The following PAX5 variants were observed in gnomAD, a reference collection of about 807,000 sequenced individuals.
PAX5 encodes paired box 5, also known as paired box protein Pax-5.
Under a neutral mutation model 43.7 loss-of-function variants are expected in PAX5, and 9 were observed. That is an observed-to-expected ratio of 0.21 (90% CI 0.12 to 0.36). The LOEUF (loss-of-function observed/expected upper bound fraction) is 0.36. Ranked by LOEUF, PAX5 falls within the 10% of genes least tolerant of loss-of-function variation. The probability of loss-of-function intolerance (pLI) is 1.00; values close to 1 mark genes in which losing one functional copy is unlikely to be tolerated. For synonymous variants in PAX5, 228 were observed against 214.3 expected, an observed-to-expected ratio of 1.06 and a Z score of -0.56; for missense variants, 383 against 532.7, an observed-to-expected ratio of 0.72 and a Z score of 2.77.
At chr9:36,945,854 G>A (rs1176834417) in intron 6 of PAX5, among the ~76,000 whole-genome samples, 3 of 152,164 alleles carry the variant, frequency 2.0e-5, no homozygotes, top group African/African-American at 4.8e-5. Context: ...TAAAGTCTCC[G>A]CCTCACAGGG....
Position 37,034,181 on chromosome 9 carries a change from G to C in PAX5, c.-150C>G. On this transcript the variant is annotated 5_prime_UTR_variant, in exon 1 of 10. Transcript: ENST00000358127. Reference sequence around the variant, plus strand: ...AATTCAAGCCTTCCGCTCCCCCGCCGAGCTGGGGTAGCTGATCACTGAGCT... The same window carrying C: ...AATTCAAGCCTTCCGCTCCCCCGCCCAGCTGGGGTAGCTGATCACTGAGCT... 1 of 577,552 alleles carries C rather than the reference G, an allele frequency of 1.7e-6. No individual in the cohort carries two copies. Among genetic ancestry groups the C allele is most frequent in the Non-Finnish European group, 2.9e-6 (1 of 339,856 alleles). The allele number at this position is 577,552 out of a possible 1,614,324, so 35.8% of individuals were successfully genotyped here.
intron 5 of PAX5, among the ~76,000 whole-genome samples, chr9:36,973,386 C>T (rs1835141801): frequency 6.6e-6 from 1 of 152,118 alleles, no homozygotes. Flanking sequence ...TCATCTGCCA[C>T]AGGAGTACAG....
chr9:36,978,352 G>A (rs565596679), intron 5 of PAX5, among the ~76,000 whole-genome samples: 51 of 152,332 alleles, frequency 3.3e-4, no homozygotes, highest in Non-Finnish European at 4.7e-4. Context: ...GCAAAAGGGT[G>A]ATTTGTTTCT....
intron 7 of PAX5, among the ~76,000 whole-genome samples, chr9:36,916,586 T>C (rs1829742790): frequency 6.6e-6 from 1 of 152,164 alleles, no homozygotes; most frequent in Non-Finnish European, 1.5e-5. Flanking sequence ...TCATTTATTC[T>C]ATTATGACCC....
chr9:36,881,679 G>A (rs1826427596), intron 8 of PAX5, among the ~76,000 whole-genome samples: 1 of 151,816 alleles, frequency 6.6e-6, no homozygotes, highest in African/African-American at 2.4e-5. Flanking sequence ...AGGGAAGGTT[G>A]GGGAGAAGGC....
chr9:37,032,891 T>C (rs985533722), intron 1 of PAX5, among the ~76,000 whole-genome samples: 1 of 152,248 alleles, frequency 6.6e-6, no homozygotes, highest in Non-Finnish European at 1.5e-5. Context: ...GGGAGGCCTG[T>C]GCGCATACAG....
chr9:36,969,965 AT>A (rs1425276871), intron 5 of PAX5, among the ~76,000 whole-genome samples: 2 of 152,266 alleles, frequency 1.3e-5, no homozygotes, highest in African/African-American at 4.8e-5. Flanking sequence ...TTTAACAAAT[AT>A]TGATAAAATA....
At chr9:37,003,163 A>C (rs1331622925) in intron 4 of PAX5, among the ~76,000 whole-genome samples, 2 of 149,558 alleles carry the variant, frequency 1.3e-5, no homozygotes, top group African/African-American at 4.9e-5. Context: ...TTAAAAAAAA[A>C]AAAAAAAAAA....
At chr9:36,894,321 G>A (rs1420935753) in intron 7 of PAX5, among the ~76,000 whole-genome samples, 1 of 152,200 alleles carries the variant, frequency 6.6e-6, no homozygotes, top group African/African-American at 2.4e-5. Context: ...CAAATCTAAT[G>A]GTTGGGAAAG....
intron 8 of PAX5, among the ~76,000 whole-genome samples, chr9:36,862,572 A>G (rs978492098): frequency 2.0e-5 from 3 of 152,272 alleles, no homozygotes; most frequent in African/African-American, 4.8e-5. Context: ...ATGACCCCCA[A>G]TAAACAAACC....
intron 8 of PAX5, among the ~76,000 whole-genome samples, chr9:36,861,821 C>A (rs889783995): frequency 6.6e-6 from 1 of 151,974 alleles, no homozygotes; most frequent in Non-Finnish European, 1.5e-5. Context: ...ACAGGAGGGA[C>A]GTGTCCTGAC....
At chr9:36,933,133 G>T (rs1831260664) in intron 6 of PAX5, among the ~76,000 whole-genome samples, 1 of 136,944 alleles carries the variant, frequency 7.3e-6, no homozygotes, top group Admixed American at 7.7e-5. Context: ...GACAGAGGGA[G>T]ACCCTGTCTC....
At chr9:36,867,068 G>T (rs939116341) in intron 8 of PAX5, among the ~76,000 whole-genome samples, 5 of 125,306 alleles carry the variant, frequency 4.0e-5, no homozygotes, top group South Asian at 3.0e-4. Context: ...GGTGGGGGGG[G>T]GGCCTTGGTT....
intron 6 of PAX5, among the ~76,000 whole-genome samples, chr9:36,948,278 G>A (rs1054803904): frequency 1.2e-4 from 18 of 152,162 alleles, no homozygotes; most frequent in African/African-American, 3.1e-4. Context: ...AAGTGGGAGC[G>A]GCGAGTGTCC....
chr9:36,964,462 G>A (rs935732790), intron 6 of PAX5, among the ~76,000 whole-genome samples: 3 of 151,556 alleles, frequency 2.0e-5, no homozygotes, highest in Admixed American at 6.6e-5. Context: ...CGTGGTGGCA[G>A]GCACCTGTAA....
chr9:36,984,655 CA>C (rs1836247230), intron 5 of PAX5, among the ~76,000 whole-genome samples: 1 of 151,870 alleles, frequency 6.6e-6, no homozygotes, highest in African/African-American at 2.4e-5. Flanking sequence ...GGGGTTTCAT[CA>C]TGTTGGCCAG....
At chr9:36,869,465 G>C (rs1825211888) in intron 8 of PAX5, among the ~76,000 whole-genome samples, 1 of 152,302 alleles carries the variant, frequency 6.6e-6, no homozygotes, top group Admixed American at 6.5e-5. Flanking sequence ...GAAAGCTTTA[G>C]CTGTGCCCCT....
In PAX5 at chr9:37,034,100, T is replaced by G; in HGVS notation, c.-69A>C. The G allele has an allele frequency of 4.4e-6, 1 of 224,758 alleles. No homozygotes were observed. The highest frequency in any genetic ancestry group is 8.4e-6 in the Non-Finnish European group (1 of 119,298). 13.9% of individuals were successfully genotyped at this position (224,758 alleles called of 1,614,324 possible). ...CACTTTTTTGTGCCTTTTTTTTTCT[T>G]TTTTTTTTTTTTTTTTTTTTTTTTT... On this transcript the variant is annotated 5_prime_UTR_variant, in exon 1 of 10. Transcript: ENST00000358127.
chr9:36,873,549 C>T (rs1034701880), intron 8 of PAX5, among the ~76,000 whole-genome samples: 8 of 152,228 alleles, frequency 5.3e-5, no homozygotes. Flanking sequence ...GTGGCGTGCC[C>T]AGGCCAGAGA....
Sources: gnomAD v4.1 joint callset for allele counts (sites outside exome capture counted in the v4.1 genomes callset) on GRCh38, gnomAD v4.1.1 for gene constraint, MANE v1.5 for transcripts, NCBI Gene and HGNC (gene_info 2026-07-23, HGNC 2026-07-21) for gene names.